Variants in PTPN9 observed in about 807,000 individuals in gnomAD.
The protein encoded by PTPN9 is tyrosine-protein phosphatase non-receptor type 9.
PTPN9 carries 26 observed loss-of-function variants against 69.8 expected under a neutral mutation model. That is an observed-to-expected ratio of 0.37 (90% CI 0.27 to 0.52). PTPN9 has a LOEUF of 0.52. PTPN9 is among the 20% of genes least tolerant of loss of function. PTPN9 has a pLI of 0.91. For missense variants in PTPN9, 549 were observed against 740.3 expected (o/e 0.74, Z 3.00); for synonymous variants, 274 against 272.5 (o/e 1.01, Z -0.05).
rs1229361587 is a variant in PTPN9, at chr15:75,472,770, C to T, written c.1208+919G>A. Among the ~76,000 whole-genome samples the T allele has an allele frequency of 3.2e-5, 3 of 93,626 alleles. No individual in the cohort carries two copies. In the South Asian group the frequency reaches 1.3e-3, roughly 40 times the overall value. The allele number at this position is 93,626 out of a possible 152,430, so 61.4% of individuals were successfully genotyped here. On this transcript the variant is annotated intron_variant, in intron 10 of 12. Coordinates refer to ENST00000618819, the MANE Select transcript of PTPN9 (RefSeq NM_002833.4). Reference sequence around the variant, plus strand: ...CTCCCACCTGGGTGACAGAGCAAGACACCATCTCCAAAAAAAAAAAAAAAG... The same window carrying T: ...CTCCCACCTGGGTGACAGAGCAAGATACCATCTCCAAAAAAAAAAAAAAAG...
chr15:75,501,669 G>GT (rs1160151099), intron 7 of PTPN9, among the ~76,000 whole-genome samples: 2 of 151,740 alleles, frequency 1.3e-5, no homozygotes, highest in Admixed American at 1.3e-4. Context: ...TGCTGCTCAG[G>GT]TTAGTCTCAA....
rs541291752 is a variant in PTPN9 at position 75,505,240 on chromosome 15, A to G, written c.968+435T>C. On this transcript the variant is annotated intron_variant, in intron 7 of 12. Transcript: ENST00000618819. ...AGGGCGGTGCAAGATGTGCTTTGTT[A>G]AACAGATGCTTGAAGGCAGCATGCT... Among the ~76,000 whole-genome samples the G allele has an allele frequency of 1.7e-4, 25 of 150,102 alleles. 2 individuals are homozygous for G. In the South Asian group the frequency reaches 5.4e-3, roughly 32 times the overall value.
intron 9 of PTPN9, among the ~76,000 whole-genome samples, chr15:75,478,413 T>A (rs1419661852): frequency 1.3e-5 from 2 of 152,046 alleles, no homozygotes; most frequent in Non-Finnish European, 1.5e-5. Context: ...CCCTTTAATT[T>A]ATTTATTTTT....
chr15:75,506,415 A>T (rs1475072166), intron 6 of PTPN9, among the ~76,000 whole-genome samples: 2 of 152,184 alleles, frequency 1.3e-5, no homozygotes, highest in Non-Finnish European at 2.9e-5. Context: ...AAGGCCTGTT[A>T]GCTTGTATTT....
At chr15:75,508,062 A>G (rs1289498969) in intron 6 of PTPN9, among the ~76,000 whole-genome samples, 1 of 151,110 alleles carries the variant, frequency 6.6e-6, no homozygotes, top group African/African-American at 2.4e-5. Context: ...AAAAAAAAAA[A>G]AAGAAAAGCT....
rs144732987 is a variant in PTPN9 at position 75,527,268 on chromosome 15, G to A, written c.64-7C>T. 1,726 of 1,613,390 alleles carry A rather than the reference G, an allele frequency of 1.1e-3. 7 individuals are homozygous for A. Among genetic ancestry groups the A allele is most frequent in the East Asian group, 3.3e-3 (147 of 44,874 alleles). On this transcript the variant is annotated splice_polypyrimidine_tract_variant and splice_region_variant and intron_variant, in intron 1 of 12. Coordinates refer to ENST00000618819, the MANE Select transcript of PTPN9 (RefSeq NM_002833.4). ...CGAGAAACTGCTTGGTAGCCTGTTT[G>A]ACAAAGAAAGAAAGAATAATTAGTA...
intron 7 of PTPN9, among the ~76,000 whole-genome samples, chr15:75,496,498 C>T (rs11632105): frequency 0.61 from 88,978 of 146,600 alleles, 27,933 homozygotes; most frequent in African/African-American, 0.8. Flanking sequence ...GTATTATTAA[C>T]TTTTTTTTTT....
chr15:75,486,601 G>A (rs1045345723), intron 8 of PTPN9, among the ~76,000 whole-genome samples: 2 of 152,148 alleles, frequency 1.3e-5, no homozygotes, highest in Non-Finnish European at 2.9e-5. Context: ...AGGCAGCCAT[G>A]TTCAACAGAA....
intron 7 of PTPN9, among the ~76,000 whole-genome samples, chr15:75,503,567 GCCA>G (rs2074788725): frequency 1.8e-5 from 2 of 109,542 alleles, no homozygotes; most frequent in African/African-American, 3.7e-5. Flanking sequence ...CCCCCGCCCG[GCCA>G]GCCGCTCCGT....
At chr15:75,541,250 GCTA>G (rs1340231367) in intron 1 of PTPN9, among the ~76,000 whole-genome samples, 1 of 150,886 alleles carries the variant, frequency 6.6e-6, no homozygotes, top group Non-Finnish European at 1.5e-5. Flanking sequence ...ACCACATCTG[GCTA>G]CTTTTTTAAT....
chr15:75,540,467 C>T (rs556845164), intron 1 of PTPN9, among the ~76,000 whole-genome samples: 3 of 149,958 alleles, frequency 2.0e-5, no homozygotes, highest in South Asian at 2.1e-4. Flanking sequence ...GCAGGAGAAT[C>T]GCTTAAACCC....
At chr15:75,506,133 G>A (rs2074818781) in intron 6 of PTPN9, 130 bp from the exon 7 acceptor site, 8 of 716,708 alleles carry the variant, frequency 1.1e-5, no homozygotes, top group Non-Finnish European at 1.6e-5. Context: ...AGGTATACTT[G>A]TAAAAGTAGT....
At chr15:75,471,571 C>T (rs2074565420) in intron 10 of PTPN9, among the ~76,000 whole-genome samples, 1 of 147,522 alleles carries the variant, frequency 6.8e-6, no homozygotes. Context: ...CCACTGCACT[C>T]CAGCCTGGAT....
At chr15:75,568,169 C>T (rs2075134329) in intron 1 of PTPN9, among the ~76,000 whole-genome samples, 1 of 151,936 alleles carries the variant, frequency 6.6e-6, no homozygotes, top group Non-Finnish European at 1.5e-5. Flanking sequence ...TTCTCTGCCT[C>T]CTGTTCGCAC....
At chr15:75,488,298 TA>T (rs1323845743) in intron 8 of PTPN9, among the ~76,000 whole-genome samples, 1 of 150,142 alleles carries the variant, frequency 6.7e-6, no homozygotes, top group African/African-American at 2.4e-5. Context: ...AATAAATAAA[TA>T]AAAATAAAAT....
rs78212041 is a variant in PTPN9, at chr15:75,531,220, G to A, written c.64-3959C>T. On this transcript the variant is annotated intron_variant, in intron 1 of 12. Transcript: ENST00000618819. Reference sequence around the variant, plus strand: ...CTGCACCTGAGCTTTAGAGCCTTACGATTAAGGCAACATAGCTTACACCAT... The same window carrying A: ...CTGCACCTGAGCTTTAGAGCCTTACAATTAAGGCAACATAGCTTACACCAT... Among the ~76,000 whole-genome samples the A allele has an allele frequency of 3.0e-3, 458 of 151,890 alleles. 5 individuals carry two copies. Among genetic ancestry groups the A allele is most frequent in the East Asian group, 0.027 (142 of 5,164 alleles).
At chr15:75,535,000 ATT>A (rs1334433596) in intron 1 of PTPN9, among the ~76,000 whole-genome samples, 1 of 143,822 alleles carries the variant, frequency 7.0e-6, no homozygotes. Context: ...ACTGAAAACG[ATT>A]TTTTTTTTTT....
At chr15:75,498,443 G>A (rs1403863259) in intron 7 of PTPN9, among the ~76,000 whole-genome samples, 1 of 151,358 alleles carries the variant, frequency 6.6e-6, no homozygotes, top group African/African-American at 2.4e-5. Context: ...GGCTGGGCAC[G>A]GTGGCTCACA....
intron 1 of PTPN9, among the ~76,000 whole-genome samples, chr15:75,560,630 G>A (rs918428411): frequency 6.6e-6 from 1 of 152,186 alleles, no homozygotes; most frequent in African/African-American, 2.4e-5. Flanking sequence ...CTAGCACTCT[G>A]GGAGGCCAAA....
Sources: gnomAD v4.1 joint callset for allele counts (sites outside exome capture counted in the v4.1 genomes callset) on GRCh38, gnomAD v4.1.1 for gene constraint, MANE v1.5 for transcripts, NCBI Gene and HGNC (gene_info 2026-07-23, HGNC 2026-07-21) for gene names.